PTPRD: variants seen among roughly 807,000 people sequenced by gnomAD.
The protein encoded by PTPRD is protein tyrosine phosphatase receptor type D.
Under a neutral mutation model 214.5 loss-of-function variants are expected in PTPRD, and 34 were observed. The ratio of observed to expected loss-of-function variants is 0.16; its 90% confidence interval spans 0.12 to 0.21. The LOEUF (loss-of-function observed/expected upper bound fraction) is 0.21, where lower values mean the gene tolerates loss of function less well. Among genes scored for constraint, PTPRD ranks in the 10% least tolerant of loss-of-function variants. PTPRD has a pLI of 1.00. For missense variants in PTPRD, 2,545 were observed against 2,398.7 expected (o/e 1.06, Z -1.27); for synonymous variants, 1,128 against 845.7 (o/e 1.33, Z -5.79).
At chr9:10,576,034 AGTTTGGTTCACAGGCAGGCCT>A (rs1470027200) in intron 2 of PTPRD, among the ~76,000 whole-genome samples, 1 of 152,144 alleles carries the variant, frequency 6.6e-6, no homozygotes, top group East Asian at 1.9e-4. Flanking sequence ...CATTAGAAAG[AGTTTGGTTCACAGGCAGGCCT>A]GTTGGAGTCT....
intron 2 of PTPRD, among the ~76,000 whole-genome samples, chr9:10,552,101 T>C (rs1041926429): frequency 6.6e-6 from 1 of 152,214 alleles, no homozygotes; most frequent in Non-Finnish European, 1.5e-5. Context: ...AATGATTGTC[T>C]CTTTTTATTA....
intron 8 of PTPRD, among the ~76,000 whole-genome samples, chr9:9,489,357 A>G (rs752098877): frequency 6.6e-6 from 1 of 152,184 alleles, no homozygotes; most frequent in Non-Finnish European, 1.5e-5. Flanking sequence ...AAAGCTTTCA[A>G]CAAATAACCC....
intron 33 of PTPRD, among the ~76,000 whole-genome samples, chr9:8,451,452 A>C (rs557723332): frequency 1.6e-4 from 24 of 152,274 alleles, no homozygotes; most frequent in African/African-American, 5.1e-4. Context: ...GAAAAGACAA[A>C]GGGCTGGTGA....
chr9:10,169,545 A>G, intron 3 of PTPRD, among the ~76,000 whole-genome samples: 1 of 151,478 alleles, frequency 6.6e-6, no homozygotes, highest in Non-Finnish European at 1.5e-5. Context: ...AGGTGGCTGT[A>G]CCTTCCACAA....
intron 11 of PTPRD, among the ~76,000 whole-genome samples, chr9:8,747,711 C>G (rs1485492180): frequency 6.6e-6 from 1 of 152,182 alleles, no homozygotes; most frequent in Non-Finnish European, 1.5e-5. Flanking sequence ...AGGAAAAATA[C>G]TTTTGCCTGC....
At chr9:10,495,852 T>C (rs1257618928) in intron 2 of PTPRD, among the ~76,000 whole-genome samples, 1 of 151,778 alleles carries the variant, frequency 6.6e-6, no homozygotes, top group Admixed American at 6.6e-5. Flanking sequence ...TAGTCTATTT[T>C]ATTTAGCCAG....
intron 12 of PTPRD, among the ~76,000 whole-genome samples, chr9:8,728,958 C>A (rs945417921): frequency 6.6e-6 from 1 of 152,134 alleles, no homozygotes; most frequent in African/African-American, 2.4e-5. Flanking sequence ...CCAGCCTGGG[C>A]AACAGAGTGA....
chr9:8,786,402 C>CTTTTTT (rs36018689), intron 11 of PTPRD, among the ~76,000 whole-genome samples: 5 of 66,996 alleles, frequency 7.5e-5, no homozygotes, highest in Non-Finnish European at 1.1e-4. Context: ...GTTTGGAGTT[C>CTTTTTT]TTTTTTTTTT....
At chr9:9,501,602 G>T (rs1317426972) in intron 8 of PTPRD, among the ~76,000 whole-genome samples, 1 of 151,836 alleles carries the variant, frequency 6.6e-6, no homozygotes, top group Non-Finnish European at 1.5e-5. Context: ...AAAGACTGGA[G>T]AATAGATTTT....
chr9:9,420,777 C>A (rs72702548), intron 8 of PTPRD, among the ~76,000 whole-genome samples: 9,567 of 151,766 alleles, frequency 0.063, 348 homozygotes, highest in Middle Eastern at 0.17. Context: ...TGCCCATGAT[C>A]GATTAAATTA....
chr9:8,472,603 C>G (rs1565090015), intron 30 of PTPRD, among the ~76,000 whole-genome samples: 2 of 152,120 alleles, frequency 1.3e-5, no homozygotes, highest in Admixed American at 1.3e-4. Context: ...ATGTAAAAGA[C>G]ATATTGCATT....
chr9:9,584,074 T>G (rs901228003), intron 7 of PTPRD, among the ~76,000 whole-genome samples: 4 of 152,056 alleles, frequency 2.6e-5, no homozygotes, highest in African/African-American at 9.7e-5. Context: ...CAGATTCTGA[T>G]AGTTCTGCCT....
chr9:10,410,969 C>T (rs1270704980), intron 2 of PTPRD, among the ~76,000 whole-genome samples: 1 of 151,686 alleles, frequency 6.6e-6, no homozygotes, highest in African/African-American at 2.4e-5. Context: ...TAATATGGGG[C>T]TGAGTTTTAT....
intron 9 of PTPRD, among the ~76,000 whole-genome samples, chr9:9,302,846 AC>A (rs1955913684): frequency 6.6e-6 from 1 of 150,944 alleles, no homozygotes; most frequent in African/African-American, 2.4e-5. Flanking sequence ...CTTTAAAACC[AC>A]CCGTAGTTTC....
chr9:9,392,202 C>A (rs1049905120), intron 9 of PTPRD, among the ~76,000 whole-genome samples: 1 of 152,174 alleles, frequency 6.6e-6, no homozygotes, highest in African/African-American at 2.4e-5. Flanking sequence ...ATACAGTAAT[C>A]TGGGCACATT....
intron 35 of PTPRD, among the ~76,000 whole-genome samples, chr9:8,424,257 C>A (rs539399838): frequency 2.0e-4 from 30 of 152,242 alleles, no homozygotes; most frequent in Admixed American, 1.2e-3. Flanking sequence ...AACAAATTTT[C>A]CATGGTGAAA....
chr9:9,261,878 C>A (rs567396581), intron 9 of PTPRD, among the ~76,000 whole-genome samples: 13 of 151,652 alleles, frequency 8.6e-5, no homozygotes, highest in Non-Finnish European at 1.6e-4. Flanking sequence ...GTAAATATCA[C>A]CACTTATTTA....
chr9:9,020,670 C>T (rs1589928234), intron 10 of PTPRD, among the ~76,000 whole-genome samples: 1 of 152,072 alleles, frequency 6.6e-6, no homozygotes, highest in Admixed American at 6.5e-5. Context: ...TTTGAAATGC[C>T]TGTGAGACAA....
chr9:9,649,653 A>T (rs149507921), intron 7 of PTPRD, among the ~76,000 whole-genome samples: 4 of 152,216 alleles, frequency 2.6e-5, no homozygotes, highest in Non-Finnish European at 5.9e-5. Context: ...TGAAATTCTC[A>T]TAACTAGAGT....
Sources: gnomAD v4.1 joint callset for allele counts (sites outside exome capture counted in the v4.1 genomes callset) on GRCh38, gnomAD v4.1.1 for gene constraint, MANE v1.5 for transcripts, NCBI Gene and HGNC (gene_info 2026-07-23, HGNC 2026-07-21) for gene names.